Variants in IL17B observed in about 807,000 individuals in gnomAD.
The protein encoded by IL17B is interleukin-17B.
IL17B carries 14 observed loss-of-function variants against 14.7 expected under a neutral mutation model. That is an observed-to-expected ratio of 0.95 (90% CI 0.63 to 1.49). The LOEUF (loss-of-function observed/expected upper bound fraction) is 1.49. IL17B is among the 40% of genes most tolerant of loss of function. The pLI is 0.00. For missense variants in IL17B, 233 were observed against 252.8 expected (o/e 0.92, Z 0.53); for synonymous variants, 105 against 94.8 (o/e 1.11, Z -0.62).
At chr5:149,383,805 C>T (rs1269783413), upstream of IL17B, among the ~76,000 whole-genome samples, 2 of 152,238 alleles carry the variant, frequency 1.3e-5, no homozygotes, top group Non-Finnish European at 2.9e-5. Flanking sequence ...GGCCAGGTGC[C>T]AGCGTCTCCT....
intron 1 of IL17B, among the ~76,000 whole-genome samples, chr5:149,378,092 C>A (rs1049246973): frequency 1.6e-4 from 25 of 151,524 alleles, no homozygotes; most frequent in Admixed American, 1.4e-3. Flanking sequence ...TGCAGTGAGC[C>A]GAGATCACAC....
upstream of IL17B, among the ~76,000 whole-genome samples, chr5:149,383,273 C>T (rs938740653): frequency 6.6e-6 from 1 of 152,202 alleles, no homozygotes; most frequent in African/African-American, 2.4e-5. Flanking sequence ...TTGAGTTGGG[C>T]CTTCAAGAAT....
At chr5:149,397,664 G>A (rs989509476) in intron 1 of IL17B, among the ~76,000 whole-genome samples, 13 of 152,068 alleles carry the variant, frequency 8.5e-5, no homozygotes, top group African/African-American at 1.2e-4. Flanking sequence ...CGTTGGATGC[G>A]CATGTAGATA....
At chr5:149,392,846 G>A (rs1309528958) in intron 1 of IL17B, among the ~76,000 whole-genome samples, 2 of 152,142 alleles carry the variant, frequency 1.3e-5, no homozygotes, top group Admixed American at 6.5e-5. Context: ...AGTCAATAAC[G>A]TCATCTAGAA....
At chr5:149,400,689 G>T (rs1759186960) in intron 1 of IL17B, among the ~76,000 whole-genome samples, 2 of 152,318 alleles carry the variant, frequency 1.3e-5, no homozygotes, top group African/African-American at 2.4e-5. Context: ...TCGGAAATTG[G>T]CTTACATGAT....
At chr5:149,382,005 C>T (rs948577970), upstream of IL17B, among the ~76,000 whole-genome samples, 1 of 152,216 alleles carries the variant, frequency 6.6e-6, no homozygotes, top group South Asian at 2.1e-4. Flanking sequence ...GCCGCGGTCT[C>T]GCTCAGAGCC....
rs113469935 is a variant in IL17B, at chr5:149,399,777, G to A, written n.95+4331C>T. Among the ~76,000 whole-genome samples the A allele has an allele frequency of 1.7e-3, 260 of 152,278 alleles. 1 individual carries two copies. The highest frequency in any genetic ancestry group is 3.2e-3 in the Admixed American group (49 of 15,302). ...GACAGTGTTGTTTCTAATACCCCAG[G>A]TGCATGTGCTCAGTGGCAGGAATTT... On this transcript the variant is annotated intron_variant and non_coding_transcript_variant, in intron 1 of 2. Transcript: ENST00000505432.
chr5:149,398,182 GACA>G (rs1380723136), intron 1 of IL17B, among the ~76,000 whole-genome samples: 1 of 152,082 alleles, frequency 6.6e-6, no homozygotes, highest in Non-Finnish European at 1.5e-5. Flanking sequence ...TCCAAATAAA[GACA>G]ACAACAAGGT....
intron 1 of IL17B, among the ~76,000 whole-genome samples, chr5:149,396,025 G>A (rs570049128): frequency 1.9e-4 from 29 of 152,248 alleles, no homozygotes; most frequent in African/African-American, 6.3e-4. Flanking sequence ...TGAAGTTGTC[G>A]TTGTTGCCAT....
At chr5:149,402,689 T>TA (rs370816490) in intron 1 of IL17B, among the ~76,000 whole-genome samples, 9,118 of 139,118 alleles carry the variant, frequency 0.066, 580 homozygotes, top group African/African-American at 0.17. Flanking sequence ...ACCATGCTTT[T>TA]AAAAAAAAAA....
upstream of IL17B, among the ~76,000 whole-genome samples, chr5:149,382,236 C>T (rs944037333): frequency 2.0e-5 from 3 of 152,124 alleles, no homozygotes; most frequent in Non-Finnish European, 4.4e-5. Context: ...TTGATGAGGA[C>T]CAGAGCCTAG....
intron 1 of IL17B, among the ~76,000 whole-genome samples, chr5:149,396,600 A>G (rs997768336): frequency 1.3e-5 from 2 of 152,136 alleles, no homozygotes; most frequent in Non-Finnish European, 2.9e-5. Context: ...TACAAAAAAT[A>G]CAAAAAATAT....
At chr5:149,377,866 G>A (rs886135931) in intron 1 of IL17B, among the ~76,000 whole-genome samples, 8 of 152,182 alleles carry the variant, frequency 5.3e-5, no homozygotes, top group South Asian at 2.1e-4. Flanking sequence ...TGCTGTGGCC[G>A]GGCGTGGTGG....
At chr5:149,383,721 G>C (rs182616729), upstream of IL17B, among the ~76,000 whole-genome samples, 2 of 152,388 alleles carry the variant, frequency 1.3e-5, no homozygotes, top group Non-Finnish European at 2.9e-5. Flanking sequence ...TCTCAAAAAA[G>C]GGAAAGGCCT....
Position 149,374,460 on chromosome 5 carries a change from C to T in IL17B, c.452G>A (p.Arg151His), listed in dbSNP as rs202136839. The change falls in exon 3 of 3, where the codon CGC becomes CAC. Residue 151 changes from arginine (R) to histidine (H), a missense_variant. Transcript: ENST00000261796. The surrounding 1 kb of genome is among the most constrained non-coding windows in gnomAD (Gnocchi z 5.0). ...VPVFSQVPVR[R>H]RLCPPPPRTG... ...GCGGGGCGGTGGCGGGCAGAGGCGG[C>T]GGCGCACAGGAACCTGGCTGAACAC... The T allele has an allele frequency of 6.9e-5, 112 of 1,611,516 alleles. 1 individual carries two copies. The highest frequency in any genetic ancestry group is 3.9e-4 in the African/African-American group (29 of 74,924).
intron 2 of IL17B, among the ~76,000 whole-genome samples, chr5:149,376,286 T>C (rs1758530954): frequency 6.6e-6 from 1 of 151,776 alleles, no homozygotes; most frequent in Non-Finnish European, 1.5e-5. Context: ...CCGCTGGAGG[T>C]TTGGATTGGG....
At chr5:149,377,135 G>A (rs1758566782) in intron 1 of IL17B, 110 bp from the exon 2 acceptor site, 3 of 864,408 alleles carry the variant, frequency 3.5e-6, no homozygotes, top group Non-Finnish European at 5.2e-6. Context: ...CCAGGCTCAG[G>A]TCTGACTCTG....
At chr5:149,382,279 C>T (rs756548796), upstream of IL17B, among the ~76,000 whole-genome samples, 8 of 152,140 alleles carry the variant, frequency 5.3e-5, no homozygotes, top group South Asian at 2.1e-4. Flanking sequence ...ATGACACAGG[C>T]GGTGTCGGGG....
At chr5:149,400,398 C>T (rs905315527) in intron 1 of IL17B, among the ~76,000 whole-genome samples, 3 of 152,196 alleles carry the variant, frequency 2.0e-5, no homozygotes, top group South Asian at 2.1e-4. Context: ...ACACTTATCT[C>T]GGACTTCTAG....
Sources: gnomAD v4.1 joint callset for allele counts (sites outside exome capture counted in the v4.1 genomes callset) on GRCh38, gnomAD v4.1.1 for gene constraint, Gnocchi (gnomAD v3.1) non-coding constraint, MANE v1.5 for transcripts, NCBI Gene and HGNC (gene_info 2026-07-23, HGNC 2026-07-21) for gene names.